Variants in FHIT observed in about 807,000 individuals in gnomAD.
FHIT encodes bis(5'-adenosyl)-triphosphatase.
A neutral mutation model predicts 17.9 loss-of-function variants in FHIT; 19 were observed. The ratio of observed to expected loss-of-function variants is 1.06; its 90% CI spans 0.74 to 1.56. The LOEUF (loss-of-function observed/expected upper bound fraction) is 1.56, where lower values mean the gene tolerates loss of function less well. FHIT is among the 40% of genes most tolerant of loss of function. The pLI is 0.00. For missense variants in FHIT, 248 were observed against 189.2 expected, an observed-to-expected ratio of 1.31 and a Z score of -1.82; for synonymous variants, 81 against 69.7, an observed-to-expected ratio of 1.16 and a Z score of -0.81.
At chr3:60,815,073 G>T (rs528837971) in intron 4 of FHIT, among the ~76,000 whole-genome samples, 2 of 151,842 alleles carry the variant, frequency 1.3e-5, no homozygotes, top group South Asian at 2.1e-4. Context: ...CATGTCTTTT[G>T]CCCATTTTTT....
chr3:61,101,347 G>T (rs933132725), intron 2 of FHIT, among the ~76,000 whole-genome samples: 3 of 152,110 alleles, frequency 2.0e-5, no homozygotes, highest in Non-Finnish European at 4.4e-5. Context: ...ATTTTGTCAG[G>T]TGTGTCAAAG....
chr3:61,144,817 T>G (rs1576098783), intron 2 of FHIT, among the ~76,000 whole-genome samples: 1 of 152,356 alleles, frequency 6.6e-6, no homozygotes, highest in Middle Eastern at 3.4e-3. Flanking sequence ...TAAGCATCTC[T>G]TCGTGTGCTA....
At chr3:60,615,909 G>A (rs563672456) in intron 4 of FHIT, among the ~76,000 whole-genome samples, 5 of 152,258 alleles carry the variant, frequency 3.3e-5, no homozygotes, top group Admixed American at 1.3e-4. Context: ...AGTGAGATGT[G>A]GAAGAAAAAG....
At chr3:60,103,598 T>C (rs893927443) in intron 5 of FHIT, among the ~76,000 whole-genome samples, 1 of 152,148 alleles carries the variant, frequency 6.6e-6, no homozygotes, top group Non-Finnish European at 1.5e-5. Context: ...CTCAGACACA[T>C]TGCAGCACCT....
At chr3:60,786,419 C>A (rs1271475191) in intron 4 of FHIT, among the ~76,000 whole-genome samples, 1 of 152,166 alleles carries the variant, frequency 6.6e-6, no homozygotes, top group Non-Finnish European at 1.5e-5. Context: ...TTTCAGGAAG[C>A]ACTGCAGTGT....
intron 3 of FHIT, among the ~76,000 whole-genome samples, chr3:60,846,102 C>T (rs970846007): frequency 1.3e-5 from 2 of 152,152 alleles, no homozygotes; most frequent in Non-Finnish European, 2.9e-5. Flanking sequence ...CAGCTGGAAT[C>T]TGAGGGCTCT....
Position 61,142,478 on chromosome 3 carries a change from CT to C in FHIT, c.-164+58138del, listed in dbSNP as rs759180003. On this transcript the variant is annotated intron_variant, in intron 2 of 9. Coordinates refer to ENST00000492590, the MANE Select transcript of FHIT (RefSeq NM_002012.4). ...GTGGGAAAAAGATACCAGGGTTCTACTTTAGACTGCTAACCTGCTGTGATCA... is the reference window on the plus strand; with the variant it reads ...GTGGGAAAAAGATACCAGGGTTCTACTTAGACTGCTAACCTGCTGTGATCA... 3.5e-5 allele frequency among the ~76,000 whole-genome samples: 5 copies of C among 144,498 alleles called. No homozygotes were observed. The East Asian group carries it at 9.7e-4, about 28-fold the overall frequency. The allele number at this position is 144,498 out of a possible 152,430, so 94.8% of individuals were successfully genotyped here.
chr3:60,509,157 C>T (rs940038728), intron 5 of FHIT, among the ~76,000 whole-genome samples: 1 of 152,132 alleles, frequency 6.6e-6, no homozygotes, highest in Non-Finnish European at 1.5e-5. Flanking sequence ...AAACAGATGG[C>T]GTGCTCCAGG....
intron 8 of FHIT, among the ~76,000 whole-genome samples, chr3:59,835,560 C>T (rs559470390): frequency 3.3e-5 from 5 of 152,140 alleles, no homozygotes; most frequent in African/African-American, 7.2e-5. Context: ...TAGATGTGTC[C>T]GAGTTTTCAC....
chr3:59,893,105 C>A (rs1277228477), intron 8 of FHIT, among the ~76,000 whole-genome samples: 1 of 152,228 alleles, frequency 6.6e-6, no homozygotes, highest in East Asian at 1.9e-4. Flanking sequence ...CTTTATGCTG[C>A]AACATTTGGA....
chr3:60,109,224 G>T (rs147691396), intron 5 of FHIT, among the ~76,000 whole-genome samples: 1 of 152,094 alleles, frequency 6.6e-6, no homozygotes, highest in Non-Finnish European at 1.5e-5. Flanking sequence ...ATATTAAAAT[G>T]GGCCTGATTT....
chr3:60,809,431 A>T lies in FHIT; in HGVS notation c.-18+12488T>A, dbSNP rs141351034. ...TTTCCCCCTAAATAAAGTGGATGCT[A>T]TTATAACCATGCATGACTCCAGTTA... On this transcript the variant is annotated intron_variant, in intron 4 of 9. Transcript: ENST00000492590. 7.2e-4 allele frequency among the ~76,000 whole-genome samples: 109 copies of T among 152,284 alleles called. 3 individuals are homozygous for T. In the East Asian group the frequency reaches 0.017, roughly 24 times the overall value.
At chr3:60,750,312 A>G (rs1395399720) in intron 4 of FHIT, among the ~76,000 whole-genome samples, 2 of 152,112 alleles carry the variant, frequency 1.3e-5, no homozygotes, top group Non-Finnish European at 2.9e-5. Flanking sequence ...GCTTTGACAT[A>G]TGGAGAAATT....
rs149687030 is a variant in FHIT at position 59,817,425 on chromosome 3, G to A, written c.349-65104C>T. Among the ~76,000 whole-genome samples, 174 of 152,038 alleles carry A rather than the reference G, an allele frequency of 1.1e-3. 1 individual carries two copies. The highest frequency in any genetic ancestry group is 2.0e-3 in the African/African-American group (81 of 41,478). On this transcript the variant is annotated intron_variant, in intron 8 of 9. Transcript: ENST00000492590. ...GCATTGCACAGGAGGACCACTTTTA[G>A]TATGATTTCCTGTGCTGTGGCTATG...
intron 5 of FHIT, among the ~76,000 whole-genome samples, chr3:60,151,599 T>A (rs1483142482): frequency 2.0e-5 from 3 of 152,104 alleles, no homozygotes; most frequent in Non-Finnish European, 2.9e-5. Context: ...TCCCTATCCA[T>A]CTAATCCCAA....
intron 4 of FHIT, among the ~76,000 whole-genome samples, chr3:60,819,106 G>A (rs1443326844): frequency 6.7e-6 from 1 of 149,152 alleles, no homozygotes; most frequent in Non-Finnish European, 1.5e-5. Flanking sequence ...TTCAGATCCA[G>A]TAGAACTTAC....
intron 3 of FHIT, among the ~76,000 whole-genome samples, chr3:60,919,570 T>G (rs942298198): frequency 6.6e-6 from 1 of 152,102 alleles, no homozygotes; most frequent in South Asian, 2.1e-4. Context: ...AGCCTACTTA[T>G]AGAGTTCACA....
intron 5 of FHIT, among the ~76,000 whole-genome samples, chr3:60,079,296 T>G (rs1365691102): frequency 6.6e-6 from 1 of 152,144 alleles, no homozygotes; most frequent in African/African-American, 2.4e-5. Flanking sequence ...TCCTCACACA[T>G]GCTTTTAAAT....
At chr3:59,929,496 G>T (rs1463664133) in intron 7 of FHIT, among the ~76,000 whole-genome samples, 1 of 148,302 alleles carries the variant, frequency 6.7e-6, no homozygotes, top group Non-Finnish European at 1.5e-5. Flanking sequence ...TCAGCCTCCT[G>T]AGTAGCTGGG....
Sources: allele counts gnomAD v4.1 joint callset (sites outside exome capture counted in the v4.1 genomes callset), GRCh38; gene constraint gnomAD v4.1.1; transcripts MANE v1.5; gene names NCBI Gene and HGNC (gene_info 2026-07-23, HGNC 2026-07-21).